Variants in TTLL11 observed in about 807,000 individuals in gnomAD.
The protein encoded by TTLL11 is tubulin tyrosine ligase like 11, also known as tubulin polyglutamylase TTLL11.
Under a neutral mutation model 51.7 loss-of-function variants are expected in TTLL11, and 42 were observed. The ratio of observed to expected loss-of-function variants is 0.81; its 90% CI spans 0.64 to 1.05. The LOEUF is 1.05. TTLL11 is among the 50% of genes least tolerant of loss of function. TTLL11 has a pLI of 0.00. For synonymous variants in TTLL11, 381 were observed against 383.5 expected, an observed-to-expected ratio of 0.99 and a Z score of 0.08; for missense variants, 799 against 940.4, an observed-to-expected ratio of 0.85 and a Z score of 1.97.
chr9:122,077,758 A>G (rs1256936526), intron 1 of TTLL11, among the ~76,000 whole-genome samples: 8 of 151,760 alleles, frequency 5.3e-5, no homozygotes, highest in Non-Finnish European at 1.5e-5. Context: ...TAACTAGAGA[A>G]TGCATGTTGT....
In TTLL11 at chr9:121,974,996, C is replaced by A. The variant is rs745700931; in HGVS notation, c.1270-17G>T. 2.0e-6 allele frequency: 3 copies of A among 1,504,702 alleles called. No homozygotes were observed. The highest frequency in any genetic ancestry group is 5.0e-5 in the East Asian group (2 of 40,128). 93.2% of individuals were successfully genotyped at this position (1,504,702 alleles called of 1,614,324 possible). A position where few individuals can be genotyped will look rare whatever the true frequency, so the allele number is the denominator to read the frequency against. ...GCCTAAAATCTGGGCAGGATAAACA[C>A]AATTCAGAATTACTGTCTCTATTGA... On this transcript the variant is annotated splice_polypyrimidine_tract_variant and intron_variant, in intron 4 of 8. Transcript: ENST00000321582.
intron 8 of TTLL11, among the ~76,000 whole-genome samples, chr9:121,829,129 A>C (rs971343668): frequency 2.6e-5 from 4 of 151,610 alleles, no homozygotes; most frequent in Admixed American, 6.6e-5. Context: ...ATTTTTTTGT[A>C]TTTTAGTAGA....
chr9:121,950,750 G>C (rs1478100733), intron 6 of TTLL11, among the ~76,000 whole-genome samples: 1 of 152,172 alleles, frequency 6.6e-6, no homozygotes, highest in Admixed American at 6.5e-5. Context: ...GCAAGGGACT[G>C]ACCAAGCCTC....
intron 7 of TTLL11, 42 bp from the exon 8 acceptor site, chr9:121,860,485 C>T: frequency 2.0e-6 from 3 of 1,485,938 alleles, no homozygotes; most frequent in East Asian, 4.9e-5. Flanking sequence ...CAGCCTGAAA[C>T]CTGTCCTGTC....
chr9:122,037,290 G>T (rs1844730374), intron 2 of TTLL11, among the ~76,000 whole-genome samples: 1 of 152,154 alleles, frequency 6.6e-6, no homozygotes, highest in African/African-American at 2.4e-5. Context: ...TGAGCAGCAA[G>T]ACACAAAAAA....
intron 3 of TTLL11, among the ~76,000 whole-genome samples, chr9:122,007,475 C>CAAAAAAAAAAAA (rs59238464): frequency 1.1e-5 from 1 of 94,716 alleles, no homozygotes. Flanking sequence ...AATTCCATCT[C>CAAAAAAAAAAAA]AAAAAAAAAA....
In TTLL11 at chr9:121,821,925, T is replaced by A. The variant is rs1836588547; in HGVS notation, c.*662A>T. 6.6e-6 allele frequency: 1 copy of A among 152,140 alleles called. No individual in the cohort carries two copies. Among genetic ancestry groups the A allele is most frequent in the African/African-American group, 2.4e-5 (1 of 41,424 alleles). 9.4% of individuals were successfully genotyped at this position (152,140 alleles called of 1,614,324 possible). On this transcript the variant is annotated 3_prime_UTR_variant, in exon 9 of 9. Transcript: ENST00000321582. This position sits in a 1 kb window ranked among gnomAD's most constrained non-coding sequence, Gnocchi z 5.0. ...AGTCAAACAAAATCAAACAAAATGA[T>A]CTCTGAGGCTCCTGCCAGCTCTGAG...
Position 121,897,640 on chromosome 9 carries a change from A to ACACACACACGCG in TTLL11, c.1482-26893_1482-26892insCGCGTGTGTGTG, listed in dbSNP as rs111331446. ...CAGGCACACACACACACACACACAC[A>ACACACACACGCG]CGCGCGCGCGAAGTCTCCAACTGCC... On this transcript the variant is annotated intron_variant, in intron 6 of 8. Transcript: ENST00000321582. Among the ~76,000 whole-genome samples, 580 of 139,388 alleles carry ACACACACACGCG rather than the reference A, an allele frequency of 4.2e-3. 5 individuals carry two copies. Among genetic ancestry groups the ACACACACACGCG allele is most frequent in the African/African-American group, 0.014 (536 of 37,670 alleles). 91.4% of individuals were successfully genotyped at this position (139,388 alleles called of 152,430 possible).
At chr9:122,074,885 C>A (rs545158234) in intron 1 of TTLL11, among the ~76,000 whole-genome samples, 3 of 148,352 alleles carry the variant, frequency 2.0e-5, no homozygotes, top group African/African-American at 7.5e-5. Flanking sequence ...ACCCTGGTCT[C>A]TTAAAAAAAA....
At chr9:121,873,015 C>T (rs1244206310) in intron 6 of TTLL11, among the ~76,000 whole-genome samples, 4 of 152,142 alleles carry the variant, frequency 2.6e-5, no homozygotes, top group East Asian at 1.9e-4. Flanking sequence ...AGAAAAAAGG[C>T]GACACTTTTA....
chr9:121,885,975 T>C (rs1838998034), intron 6 of TTLL11, among the ~76,000 whole-genome samples: 1 of 152,204 alleles, frequency 6.6e-6, no homozygotes, highest in Non-Finnish European at 1.5e-5. Flanking sequence ...GGAAACCTTC[T>C]GCCTTGGACT....
intron 6 of TTLL11, among the ~76,000 whole-genome samples, chr9:121,917,062 G>C (rs1037434421): frequency 2.0e-5 from 3 of 152,182 alleles, no homozygotes; most frequent in African/African-American, 4.8e-5. Flanking sequence ...ATTCTGACTG[G>C]TCTAAGCCAG....
In TTLL11 at chr9:122,072,442, G is replaced by A. The variant is rs369853540; in HGVS notation, c.462+20245C>T. ...GTGGATCACTTGAGCTCAGGAGTTC[G>A]AGACCAGCCTGGTCAACATGGTGAA... On this transcript the variant is annotated intron_variant, in intron 1 of 8. Transcript: ENST00000321582. Among the ~76,000 whole-genome samples, 87 of 152,164 alleles carry A rather than the reference G, an allele frequency of 5.7e-4. No individual in the cohort carries two copies. In the East Asian group the frequency reaches 0.015, roughly 27 times the overall value.
At chr9:122,044,204 CT>C (rs1272594849) in intron 1 of TTLL11, among the ~76,000 whole-genome samples, 1 of 152,134 alleles carries the variant, frequency 6.6e-6, no homozygotes, top group Non-Finnish European at 1.5e-5. Flanking sequence ...TTTTTTATGG[CT>C]GCATAGTATT....
intron 6 of TTLL11, among the ~76,000 whole-genome samples, chr9:121,967,938 T>C (rs1217539849): frequency 6.6e-6 from 1 of 152,106 alleles, no homozygotes; most frequent in Non-Finnish European, 1.5e-5. Context: ...ATATCCAGGA[T>C]AGCTAAATCT....
intron 1 of TTLL11, among the ~76,000 whole-genome samples, chr9:122,054,636 A>T (rs1000447021): frequency 6.6e-6 from 1 of 152,208 alleles, no homozygotes; most frequent in African/African-American, 2.4e-5. Context: ...ACTCCATTCC[A>T]ACATAATTCA....
chr9:121,906,143 C>T (rs1330780013), intron 6 of TTLL11, among the ~76,000 whole-genome samples: 1 of 152,106 alleles, frequency 6.6e-6, no homozygotes, highest in Non-Finnish European at 1.5e-5. Context: ...CCTGCAATCA[C>T]TTTCCTAATA....
intron 6 of TTLL11, among the ~76,000 whole-genome samples, chr9:121,927,410 C>T (rs1159104138): frequency 2.0e-5 from 3 of 152,190 alleles, no homozygotes; most frequent in African/African-American, 7.2e-5. Context: ...TTTTGTTCAA[C>T]AAAATCAGCA....
At chr9:122,048,547 C>T (rs566135574) in intron 1 of TTLL11, among the ~76,000 whole-genome samples, 21 of 152,314 alleles carry the variant, frequency 1.4e-4, no homozygotes, top group Admixed American at 2.0e-4. Flanking sequence ...GGACCGACCA[C>T]AGGATCAAGG....
Sources: allele counts gnomAD v4.1 joint callset (sites outside exome capture counted in the v4.1 genomes callset), GRCh38; gene constraint gnomAD v4.1.1; non-coding constraint Gnocchi (gnomAD v3.1); transcripts MANE v1.5; gene names NCBI Gene and HGNC (gene_info 2026-07-23, HGNC 2026-07-21).